The following OTOP3 variants were observed in gnomAD, a reference collection of about 807,000 sequenced individuals.
OTOP3 encodes proton channel OTOP3.
OTOP3 carries 41 observed loss-of-function variants against 50.8 expected under a neutral mutation model. The ratio of observed to expected loss-of-function variants is 0.81; its 90% CI spans 0.63 to 1.05. The LOEUF (loss-of-function observed/expected upper bound fraction) is 1.05, where lower values mean the gene tolerates loss of function less well. OTOP3 is among the 50% of genes least tolerant of loss of function. OTOP3 has a pLI of 0.00. For synonymous variants in OTOP3, 320 were observed against 324.4 expected, an observed-to-expected ratio of 0.99 and a Z score of 0.14; for missense variants, 788 against 760.8, an observed-to-expected ratio of 1.04 and a Z score of -0.42.
chr17:74,947,200 C>T lies in OTOP3; in HGVS notation c.1291C>T (p.Leu431Phe), dbSNP rs769473365. Reference sequence around the variant, plus strand: ...GCGCCCGCATGAGCTGCTCAACCGCCTCATCCTGGCCTACTCGCTGCTGCT... The same window carrying T: ...GCGCCCGCATGAGCTGCTCAACCGCTTCATCCTGGCCTACTCGCTGCTGCT... ...AKRPHELLNR[L>F]ILAYSLLLIL... Residue 431 changes from leucine (L) to phenylalanine (F), a missense_variant, in exon 6 of 7, where the codon CTC (leucine) becomes TTC (phenylalanine). Physicochemically the swap from Leu to Phe is conservative, Grantham distance 22 (BLOSUM62 0). Coordinates refer to ENST00000328801, the MANE Select transcript of OTOP3 (RefSeq NM_001272005.2). The T allele has an allele frequency of 9.3e-6, 15 of 1,613,902 alleles. No homozygotes were observed. Among genetic ancestry groups the T allele is most frequent in the African/African-American group, 1.3e-5 (1 of 74,952 alleles).
intron 3 of OTOP3, among the ~76,000 whole-genome samples, chr17:74,942,881 CT>C (rs1249346202): frequency 6.7e-6 from 1 of 150,334 alleles, no homozygotes; most frequent in Non-Finnish European, 1.5e-5. Context: ...AAAGGCAGAT[CT>C]TGCAGTGAGC....
intron 3 of OTOP3, 63 bp downstream of exon 3, chr17:74,942,100 A>G (rs528041098): frequency 6.5e-7 from 1 of 1,534,018 alleles, no homozygotes; most frequent in African/African-American, 1.4e-5. Context: ...TGCCATGCAC[A>G]CACCTCCCAC....
rs377572502 is a variant in OTOP3 at position 74,947,169 on chromosome 17, G to A, written c.1260G>A (p.Val420=). 7.1e-5 allele frequency: 114 copies of A among 1,613,932 alleles called. No individual in the cohort carries two copies. The highest frequency in any genetic ancestry group is 9.3e-5 in the Non-Finnish European group (110 of 1,180,028). The change falls in exon 6 of 7, where the codon GTG becomes GTA. Residue 420 remains valine (V), a synonymous_variant. Coordinates refer to ENST00000328801, the MANE Select transcript of OTOP3 (RefSeq NM_001272005.2). ...CCTATTTCTCCATCGTGGCCATTGT[G>A]GCCAAGCGCCCGCATGAGCTGCTCA... ...GIAYFSIVAI[V]AKRPHELLNR... is the part of the protein sequence containing the mutation.
At chr17:74,944,029 C>T (rs1287558312) in intron 5 of OTOP3, among the ~76,000 whole-genome samples, 5 of 152,196 alleles carry the variant, frequency 3.3e-5, no homozygotes, top group South Asian at 2.1e-4. Flanking sequence ...GCACCCCGCC[C>T]GTGGCATTTG....
chr17:74,936,868 A>G (rs956957762), intron 1 of OTOP3, among the ~76,000 whole-genome samples: 10 of 150,994 alleles, frequency 6.6e-5, no homozygotes, highest in South Asian at 2.1e-4. Flanking sequence ...GGTGCCAGGC[A>G]TTGCCGGCAT....
chr17:74,949,642 T>G lies in OTOP3; in HGVS notation c.*226T>G. Reference sequence around the variant, plus strand: ...ATGCCCACGGCCAGGCCTGGGCACATGCCTGCCCCCTGCCTTCCCACCACG... The same window carrying G: ...ATGCCCACGGCCAGGCCTGGGCACAGGCCTGCCCCCTGCCTTCCCACCACG... On this transcript the variant is annotated 3_prime_UTR_variant, in exon 7 of 7. Coordinates refer to ENST00000328801, the MANE Select transcript of OTOP3 (RefSeq NM_001272005.2). 1 of 540,348 alleles carries G rather than the reference T, an allele frequency of 1.9e-6. No homozygotes were observed. The highest frequency in any genetic ancestry group is 3.2e-6 in the Non-Finnish European group (1 of 311,802). The allele number at this position is 540,348 out of a possible 1,614,324, so 33.5% of individuals were successfully genotyped here. A position where few individuals can be genotyped will look rare whatever the true frequency, so the allele number is the denominator to read the frequency against.
Position 74,949,721 on chromosome 17 carries a change from A to C in OTOP3, c.*305A>C. On this transcript the variant is annotated 3_prime_UTR_variant, in exon 7 of 7. Coordinates refer to ENST00000328801, the MANE Select transcript of OTOP3 (RefSeq NM_001272005.2). ...GGCTGGCAGGGGCCCCCTCACGGCT[A>C]CTCTGTGGGAGGGTCAGACCTACAT... is the stretch of plus-strand genomic sequence containing the variant. 1 of 344,632 alleles carries C rather than the reference A, an allele frequency of 2.9e-6. No homozygotes were observed. Among genetic ancestry groups the C allele is most frequent in the Non-Finnish European group, 5.3e-6 (1 of 187,762 alleles). The allele number at this position is 344,632 out of a possible 1,614,324, so 21.3% of individuals were successfully genotyped here. A position where few individuals can be genotyped will look rare whatever the true frequency, so the allele number is the denominator to read the frequency against.
In OTOP3 at chr17:74,949,428, C is replaced by A. The variant is rs765049017; in HGVS notation, c.*12C>A. ...ACCTGGGGGCCTGAGGCTGCCCACC[C>A]CCGGCAGAACCTCGAAGTGCCAAGG... On this transcript the variant is annotated 3_prime_UTR_variant, in exon 7 of 7. Coordinates refer to ENST00000328801, the MANE Select transcript of OTOP3 (RefSeq NM_001272005.2). The A allele has an allele frequency of 1.3e-5, 21 of 1,610,380 alleles. No individual in the cohort carries two copies. The South Asian group carries it at 2.0e-4, about 15-fold the overall frequency.
intron 6 of OTOP3, among the ~76,000 whole-genome samples, chr17:74,948,352 T>C (rs1308579207): frequency 1.3e-5 from 2 of 152,048 alleles, no homozygotes; most frequent in Non-Finnish European, 2.9e-5. Context: ...AGGGAGACCC[T>C]GTCTCTACAA....
At chr17:74,947,670 A>G (rs1021012852) in intron 6 of OTOP3, among the ~76,000 whole-genome samples, 195 bp downstream of exon 6, 2 of 152,226 alleles carry the variant, frequency 1.3e-5, no homozygotes, top group Non-Finnish European at 1.5e-5. Context: ...GCTCTTCACA[A>G]ACAAATATGT....
At chr17:74,941,254 T>C in intron 1 of OTOP3, 139 bp from the exon 2 acceptor site, 2 of 862,754 alleles carry the variant, frequency 2.3e-6, no homozygotes, top group African/African-American at 3.7e-5. Flanking sequence ...ATGGGGCAGC[T>C]GCTATTAGTT....
rs371947612 is a variant in OTOP3 at position 74,941,858 on chromosome 17, C to T, written c.437-43C>T. On this transcript the variant is annotated intron_variant, in intron 2 of 6. Coordinates refer to ENST00000328801, the MANE Select transcript of OTOP3 (RefSeq NM_001272005.2). ...CTGGGCAGGGGTGGGGAGGGAGAGC[C>T]GGTTCCGCGCAGGTGCCAACGCCCG... 108 of 1,589,222 alleles carry T rather than the reference C, an allele frequency of 6.8e-5. 1 individual carries two copies. The African/African-American group carries it at 9.4e-4, about 14-fold the overall frequency.
chr17:74,949,319 A>G lies in OTOP3; in HGVS notation c.1640A>G (p.Gln547Arg). Residue 547 changes from glutamine (Q) to arginine (R), a missense_variant, in exon 7 of 7, where the codon CAG becomes CGG. By Grantham distance (43) the Gln-to-Arg change is conservative. Transcript: ENST00000328801. Reference protein sequence around the residue: ...NGLEKDFYGYQIWFAIVNFGL... With the variant: ...NGLEKDFYGYRIWFAIVNFGL... ...CTAGAAAAGGATTTCTACGGCTACCAGATATGGTTCGCCATCGTCAACTTC... is the reference window on the plus strand; with the variant it reads ...CTAGAAAAGGATTTCTACGGCTACCGGATATGGTTCGCCATCGTCAACTTC... 1 of 1,614,024 alleles carries G rather than the reference A, an allele frequency of 6.2e-7. No individual in the cohort carries two copies. The highest frequency in any genetic ancestry group is 8.5e-7 in the Non-Finnish European group (1 of 1,179,988).
intron 3 of OTOP3, 104 bp from the exon 4 acceptor site, chr17:74,943,182 C>A: frequency 9.9e-7 from 1 of 1,011,812 alleles, no homozygotes; most frequent in Non-Finnish European, 1.6e-6. Flanking sequence ...CCCAGTCTTT[C>A]TCCCTGTGTC....
At chr17:74,942,841 A>T (rs564316032) in intron 3 of OTOP3, among the ~76,000 whole-genome samples, 1 of 152,070 alleles carries the variant, frequency 6.6e-6, no homozygotes, top group African/African-American at 2.4e-5. Flanking sequence ...GCTACTCAGG[A>T]GGCTGAGGCA....
At position 74,947,128 on chromosome 17, in the gene OTOP3, G is replaced by A. The variant is rs1302739865; in HGVS notation, c.1219G>A (p.Gly407Ser). Residue 407 changes from glycine (G) to serine (S), a missense_variant, in exon 6 of 7, where the codon GGC becomes AGC. Transcript: ENST00000328801. ...DVVLLMGAAL[G>S]QMGIAYFSIV... Reference sequence around the variant, plus strand: ...GGTGCTGCTAATGGGTGCTGCACTGGGCCAGATGGGCATCGCCTATTTCTC... The same window carrying A: ...GGTGCTGCTAATGGGTGCTGCACTGAGCCAGATGGGCATCGCCTATTTCTC... 2 of 1,614,116 alleles carry A rather than the reference G, an allele frequency of 1.2e-6. No homozygotes were observed. The highest frequency in any genetic ancestry group is 3.3e-5 in the Admixed American group (2 of 60,036).
chr17:74,941,871 G>A (rs1485525806), intron 2 of OTOP3, 30 bp from the exon 3 acceptor site: 1 of 1,592,938 alleles, frequency 6.3e-7, no homozygotes. Context: ...TTCCGCGCAG[G>A]TGCCAACGCC....
At position 74,941,549 on chromosome 17, in the gene OTOP3, T is replaced by C. The variant is rs1188667585; in HGVS notation, c.176T>C (p.Leu59Pro). The change falls in exon 2 of 7, where the codon CTG becomes CCG. Residue 59 changes from leucine to proline, a missense_variant. Leu to Pro is a moderately conservative substitution (Grantham distance 98, BLOSUM62 -3). Transcript: ENST00000328801. Reference sequence around the variant, plus strand: ...CTGGTGAGGCATTTCTCTCTGCTGCTGCGGCGGGACCGGCAGGCCCAGAAG... The same window carrying C: ...CTGGTGAGGCATTTCTCTCTGCTGCCGCGGCGGGACCGGCAGGCCCAGAAG... Reference protein sequence around the residue: ...SWLVRHFSLLLRRDRQAQKAG... With the variant: ...SWLVRHFSLLPRRDRQAQKAG... 6.8e-6 allele frequency: 11 copies of C among 1,613,008 alleles called. No individual in the cohort carries two copies. The highest frequency in any genetic ancestry group is 3.3e-5 in the Admixed American group (2 of 59,970).
At chr17:74,936,024 T>G (rs1428283996) in intron 1 of OTOP3, 84 bp downstream of exon 1, 5 of 1,522,380 alleles carry the variant, frequency 3.3e-6, no homozygotes, top group African/African-American at 1.4e-5. Context: ...AAAAGGGGGG[T>G]TCACAAGTAG....
Sources: gnomAD v4.1 joint callset for allele counts (sites outside exome capture counted in the v4.1 genomes callset) on GRCh38, gnomAD v4.1.1 for gene constraint, MANE v1.5 for transcripts, NCBI Gene and HGNC (gene_info 2026-07-23, HGNC 2026-07-21) for gene names.